SLC22A16: variants seen among roughly 807,000 people sequenced by gnomAD.
SLC22A16 encodes WUGSC:RG331P03.1.
In SLC22A16, 53 loss-of-function variants were observed where a neutral mutation model predicts 52.9. The ratio of observed to expected loss-of-function variants is 1.00; its 90% CI spans 0.80 to 1.26. The LOEUF (loss-of-function observed/expected upper bound fraction) is 1.26, where lower values mean the gene tolerates loss of function less well. Among genes scored for constraint, SLC22A16 ranks in the 50% most tolerant of loss-of-function variants. The pLI, the probability that SLC22A16 is intolerant of heterozygous loss-of-function variation, is 0.00. For missense variants in SLC22A16, 726 were observed against 704.0 expected (o/e 1.03, Z -0.35); for synonymous variants, 291 against 268.8 (o/e 1.08, Z -0.81).
intron 6 of SLC22A16, among the ~76,000 whole-genome samples, chr6:110,431,689 C>G (rs921323581): frequency 5.3e-5 from 8 of 152,140 alleles, no homozygotes; most frequent in African/African-American, 1.9e-4. Context: ...CGGTGCCCAT[C>G]ATTAAGCAAC....
chr6:110,474,590 A>T (rs1390423159), intron 1 of SLC22A16, among the ~76,000 whole-genome samples: 1 of 152,226 alleles, frequency 6.6e-6, no homozygotes, highest in East Asian at 1.9e-4. Flanking sequence ...TTGAGAACTT[A>T]CTGAATAATA....
At chr6:110,473,811 C>T (rs1582600959) in intron 1 of SLC22A16, among the ~76,000 whole-genome samples, 1 of 151,894 alleles carries the variant, frequency 6.6e-6, no homozygotes, top group South Asian at 2.1e-4. Flanking sequence ...AGGCATGAAC[C>T]ACCGCACCTG....
chr6:110,468,098 T>C (rs1273659846), intron 1 of SLC22A16, among the ~76,000 whole-genome samples: 2 of 152,268 alleles, frequency 1.3e-5, no homozygotes, highest in Non-Finnish European at 2.9e-5. Context: ...GTTTCAAAAC[T>C]GAATTCTATC....
chr6:110,476,478 C>T, intron 1 of SLC22A16, 44 bp downstream of exon 1: 1 of 1,472,628 alleles, frequency 6.8e-7, no homozygotes, highest in African/African-American at 1.5e-5. Flanking sequence ...ACAGACCCCT[C>T]GGCGCCGCCT....
intron 2 of SLC22A16, among the ~76,000 whole-genome samples, chr6:110,454,278 A>G (rs1775497970): frequency 6.6e-6 from 1 of 152,114 alleles, no homozygotes; most frequent in African/African-American, 2.4e-5. Flanking sequence ...AGCAAGAAGT[A>G]TAGAAGACTA....
chr6:110,428,888 C>A (rs1040114464), intron 7 of SLC22A16, among the ~76,000 whole-genome samples: 7 of 152,074 alleles, frequency 4.6e-5, no homozygotes, highest in Non-Finnish European at 1.0e-4. Context: ...CCACTGCACT[C>A]CCGCCTGGTC....
chr6:110,472,829 G>A (rs1374174456), intron 1 of SLC22A16, among the ~76,000 whole-genome samples: 1 of 152,200 alleles, frequency 6.6e-6, no homozygotes, highest in African/African-American at 2.4e-5. Flanking sequence ...AAAACCCAGA[G>A]GCGAGGAAAA....
chr6:110,473,326 T>G (rs1323661482), intron 1 of SLC22A16, among the ~76,000 whole-genome samples: 1 of 152,038 alleles, frequency 6.6e-6, no homozygotes, highest in Non-Finnish European at 1.5e-5. Flanking sequence ...CCAGGACAAC[T>G]AACTCAGGGA....
chr6:110,429,663 G>A (rs1046022775), intron 7 of SLC22A16, among the ~76,000 whole-genome samples: 2 of 152,192 alleles, frequency 1.3e-5, no homozygotes, highest in Admixed American at 1.3e-4. Context: ...GCTCTGCAAA[G>A]CACAACAGCC....
intron 1 of SLC22A16, among the ~76,000 whole-genome samples, chr6:110,467,492 G>A (rs1173262664): frequency 6.6e-6 from 1 of 152,216 alleles, no homozygotes; most frequent in African/African-American, 2.4e-5. Flanking sequence ...AGCAGAAACT[G>A]TGGTTCAGTC....
At chr6:110,466,624 A>G (rs915172840) in intron 1 of SLC22A16, among the ~76,000 whole-genome samples, 2 of 152,114 alleles carry the variant, frequency 1.3e-5, no homozygotes, top group Admixed American at 6.6e-5. Flanking sequence ...GTCAAAAATA[A>G]CAGATATTAG....
At chr6:110,425,129 G>A (rs1419344941) in intron 7 of SLC22A16, 44 bp from the exon 8 acceptor site, 2 of 1,608,132 alleles carry the variant, frequency 1.2e-6, no homozygotes, top group Non-Finnish European at 1.7e-6. Flanking sequence ...ATCAAGAAAG[G>A]AACGAACCCT....
intron 1 of SLC22A16, among the ~76,000 whole-genome samples, chr6:110,457,288 G>A (rs1241828927): frequency 1.3e-5 from 2 of 152,150 alleles, no homozygotes; most frequent in Admixed American, 6.5e-5. Flanking sequence ...ATTCTCCAAT[G>A]AGAGGAGCCA....
intron 1 of SLC22A16, among the ~76,000 whole-genome samples, chr6:110,457,633 A>G (rs1775715683): frequency 2.0e-5 from 3 of 152,214 alleles, no homozygotes; most frequent in African/African-American, 7.2e-5. Context: ...CAATACTATA[A>G]TAATCCTAGC....
chr6:110,462,203 T>C (rs1775909835), intron 1 of SLC22A16, among the ~76,000 whole-genome samples: 1 of 152,100 alleles, frequency 6.6e-6, no homozygotes, highest in African/African-American at 2.4e-5. Flanking sequence ...ATTATGGGAG[T>C]TAAAAGATGA....
intron 1 of SLC22A16, among the ~76,000 whole-genome samples, chr6:110,464,334 AT>A (rs977747855): frequency 2.0e-5 from 3 of 152,068 alleles, no homozygotes; most frequent in Non-Finnish European, 4.4e-5. Context: ...AACCAAAAAA[AT>A]CATACAAAGG....
chr6:110,425,345 T>C (rs1774216094), intron 7 of SLC22A16: 3 of 1,401,436 alleles, frequency 2.1e-6, no homozygotes, highest in Non-Finnish European at 2.8e-6. Flanking sequence ...TGCCAGCTAC[T>C]GCCTGCATTA....
At chr6:110,425,181 A>G in intron 7 of SLC22A16, 96 bp from the exon 8 acceptor site, 2 of 1,545,908 alleles carry the variant, frequency 1.3e-6, no homozygotes, top group South Asian at 2.5e-5. Flanking sequence ...AGGGTAATGG[A>G]TTTGAATTTG....
In SLC22A16 at chr6:110,454,681, TATTTTATA is replaced by T. The variant is rs1412846432; in HGVS notation, c.533+1849_533+1856del. ...ATTATATATATTTATATATATTATA[TATTTTATA>T]TTATATATATTTTTTGTATATATAT... On this transcript the variant is annotated intron_variant, in intron 2 of 7. Coordinates refer to ENST00000368919, the MANE Select transcript of SLC22A16 (RefSeq NM_033125.4). Among the ~76,000 whole-genome samples, 37 of 72,484 alleles carry T rather than the reference TATTTTATA, an allele frequency of 5.1e-4. 5 individuals carry two copies. The highest frequency in any genetic ancestry group is 2.5e-3 in the African/African-American group (35 of 13,736). 47.6% of individuals were successfully genotyped at this position (72,484 alleles called of 152,430 possible).
Sources: allele counts gnomAD v4.1 joint callset (sites outside exome capture counted in the v4.1 genomes callset), GRCh38; gene constraint gnomAD v4.1.1; transcripts MANE v1.5; gene names NCBI Gene and HGNC (gene_info 2026-07-23, HGNC 2026-07-21).